The following SGCD variants were observed in gnomAD, a reference collection of about 807,000 sequenced individuals.
SGCD encodes sarcoglycan delta.
SGCD carries 18 observed loss-of-function variants against 36.6 expected under a neutral mutation model. The observed-to-expected ratio is 0.49, with a 90% CI of 0.34 to 0.73. The LOEUF (loss-of-function observed/expected upper bound fraction) is 0.73, where lower values mean the gene tolerates loss of function less well. Ranked by LOEUF, SGCD falls within the 30% of genes least tolerant of loss-of-function variation. The pLI, the probability that SGCD is intolerant of heterozygous loss-of-function variation, is 0.01. For synonymous variants in SGCD, 133 were observed against 130.6 expected (o/e 1.02, Z -0.12); for missense variants, 387 against 346.7 (o/e 1.12, Z -0.92).
intron 7 of SGCD, among the ~76,000 whole-genome samples, chr5:156,683,574 G>A (rs1753798596): frequency 6.6e-6 from 1 of 152,200 alleles, no homozygotes; most frequent in Non-Finnish European, 1.5e-5. Context: ...AGGTCCAAAT[G>A]TCTTTATCAG....
intron 1 of SGCD, among the ~76,000 whole-genome samples, chr5:155,987,332 A>G (rs1758351228): frequency 6.6e-6 from 1 of 151,960 alleles, no homozygotes; most frequent in African/African-American, 2.4e-5. Flanking sequence ...TCTAAGATTC[A>G]TCTTTCTACC....
chr5:156,317,246 C>T (rs1490104185), intron 3 of SGCD, among the ~76,000 whole-genome samples: 1 of 152,000 alleles, frequency 6.6e-6, no homozygotes, highest in Non-Finnish European at 1.5e-5. Flanking sequence ...AATAAGCACT[C>T]GATGCATGTT....
At chr5:155,759,690 G>A in the SGCD span, among the ~76,000 whole-genome samples, 12 of 152,300 alleles carry the variant, frequency 7.9e-5, no homozygotes, top group Admixed American at 2.0e-4. Flanking sequence ...CCGTCAGGAA[G>A]TAAATGACCA....
intron 4 of SGCD, among the ~76,000 whole-genome samples, chr5:156,534,158 A>G (rs1581129405): frequency 2.0e-5 from 3 of 148,106 alleles, no homozygotes; most frequent in African/African-American, 7.5e-5. Context: ...TTTGGATACC[A>G]TCTGTATGGA....
At chr5:156,676,387 G>GAC (rs1271777656) in intron 7 of SGCD, among the ~76,000 whole-genome samples, 2 of 152,194 alleles carry the variant, frequency 1.3e-5, no homozygotes, top group African/African-American at 4.8e-5. Context: ...ATAACAGGTA[G>GAC]ACACCCTCTG....
intron 3 of SGCD, among the ~76,000 whole-genome samples, chr5:156,204,335 A>C (rs771530415): frequency 2.6e-5 from 4 of 152,104 alleles, no homozygotes; most frequent in Non-Finnish European, 5.9e-5. Flanking sequence ...TGAATCAGAT[A>C]TAATTAATTC....
intron 1 of SGCD, among the ~76,000 whole-genome samples, chr5:156,007,077 A>T (rs1758772327): frequency 6.6e-6 from 1 of 152,178 alleles, no homozygotes; most frequent in South Asian, 2.1e-4. Context: ...TAAGAAGCTC[A>T]CTTTAAGTAC....
intron 3 of SGCD, among the ~76,000 whole-genome samples, chr5:156,423,750 C>T (rs2127781935): frequency 6.6e-6 from 1 of 151,936 alleles, no homozygotes; most frequent in Middle Eastern, 3.4e-3. Flanking sequence ...GGTTCTTCTC[C>T]ATGCTTTGTG....
At chr5:155,746,564 G>A in the SGCD span, among the ~76,000 whole-genome samples, 1 of 152,128 alleles carries the variant, frequency 6.6e-6, no homozygotes, top group African/African-American at 2.4e-5. Context: ...TTTTTATGAT[G>A]TCAGACTCTT....
intron 1 of SGCD, among the ~76,000 whole-genome samples, chr5:156,068,186 T>C (rs1760394833): frequency 1.3e-5 from 2 of 151,954 alleles, no homozygotes; most frequent in African/African-American, 4.8e-5. Flanking sequence ...GTTAGTTACA[T>C]ATGTATACAT....
At chr5:156,566,382 A>G (rs1759478766) in intron 4 of SGCD, among the ~76,000 whole-genome samples, 1 of 152,194 alleles carries the variant, frequency 6.6e-6, no homozygotes, top group African/African-American at 2.4e-5. Flanking sequence ...ATAAGATCAC[A>G]CCAGTTTTAA....
intron 3 of SGCD, among the ~76,000 whole-genome samples, chr5:156,216,956 G>A (rs1764591188): frequency 6.6e-6 from 1 of 152,090 alleles, no homozygotes; most frequent in Non-Finnish European, 1.5e-5. Flanking sequence ...GCTGGAGCCT[G>A]TAATCCAGCT....
chr5:156,268,304 A>G (rs1766055459), intron 3 of SGCD, among the ~76,000 whole-genome samples: 1 of 152,140 alleles, frequency 6.6e-6, no homozygotes, highest in Admixed American at 6.5e-5. Flanking sequence ...ATTTGTGTGC[A>G]TGTGTCTTTA....
intron 4 of SGCD, among the ~76,000 whole-genome samples, chr5:156,551,471 C>T (rs1376724068): frequency 6.6e-6 from 1 of 152,120 alleles, no homozygotes; most frequent in African/African-American, 2.4e-5. Context: ...CCTTGCCTCT[C>T]TCCTTGGATG....
At chr5:155,948,290 C>A (rs555364199) in intron 1 of SGCD, among the ~76,000 whole-genome samples, 12 of 151,910 alleles carry the variant, frequency 7.9e-5, no homozygotes, top group Non-Finnish European at 1.2e-4. Flanking sequence ...ACTGCTACTA[C>A]TAATAATAAT....
At chr5:156,465,532 C>A (rs545708693) in intron 3 of SGCD, among the ~76,000 whole-genome samples, 13 of 152,220 alleles carry the variant, frequency 8.5e-5, no homozygotes, top group Admixed American at 3.9e-4. Context: ...CAGTTTGTTT[C>A]CTTTGGTAAC....
chr5:156,289,708 A>G (rs1766707581), intron 3 of SGCD, among the ~76,000 whole-genome samples: 1 of 152,036 alleles, frequency 6.6e-6, no homozygotes, highest in African/African-American at 2.4e-5. Context: ...TATAAAGACA[A>G]GGTCTAGCTT....
chr5:156,089,656 G>A (rs1186567861), intron 1 of SGCD, among the ~76,000 whole-genome samples: 1 of 152,210 alleles, frequency 6.6e-6, no homozygotes, highest in Non-Finnish European at 1.5e-5. Context: ...AAACCTGTTT[G>A]TCCTCAAAAT....
intron 1 of SGCD, among the ~76,000 whole-genome samples, chr5:156,068,530 C>T (rs1453063539): frequency 6.6e-6 from 1 of 151,760 alleles, no homozygotes; most frequent in Non-Finnish European, 1.5e-5. Context: ...CATTGTTGGA[C>T]ATTTGGGTTG....
Sources: allele counts gnomAD v4.1 joint callset (sites outside exome capture counted in the v4.1 genomes callset), GRCh38; gene constraint gnomAD v4.1.1; transcripts MANE v1.5; gene names NCBI Gene and HGNC (gene_info 2026-07-23, HGNC 2026-07-21).